Variants in NECTIN1 observed in about 807,000 individuals in gnomAD.
The protein encoded by NECTIN1 is nectin cell adhesion molecule 1.
NECTIN1 carries 23 observed loss-of-function variants against 48.0 expected under a neutral mutation model. The ratio of observed to expected loss-of-function variants is 0.48; its 90% CI spans 0.34 to 0.68. NECTIN1 has a LOEUF of 0.68. Ranked by LOEUF, NECTIN1 falls within the 30% of genes least tolerant of loss-of-function variation. The pLI, the probability that NECTIN1 is intolerant of heterozygous loss-of-function variation, is 0.01. For synonymous variants in NECTIN1, 270 were observed against 288.9 expected (o/e 0.93, Z 0.66); for missense variants, 591 against 709.9 (o/e 0.83, Z 1.90).
rs761193999 is a variant in NECTIN1 at position 119,675,205 on chromosome 11, G to A, written c.957C>T (p.Thr319=). Residue 319 remains threonine, a synonymous_variant, in exon 5 of 6, where the codon ACC becomes ACT. Coordinates refer to ENST00000264025, the MANE Select transcript of NECTIN1 (RefSeq NM_002855.5). ...SLAGTYICEA[T]NPIGTRSGQV... ...GGCCTGAGCGTGTACCGATGGGGTT[G>A]GTGGCCTCACAGATGTAGGTCCCTG... The A allele has an allele frequency of 6.2e-7, 1 of 1,614,168 alleles. No homozygotes were observed. Among genetic ancestry groups the A allele is most frequent in the Admixed American group, 1.7e-5 (1 of 60,026 alleles).
chr11:119,690,089 A>G (rs891002470), intron 1 of NECTIN1, among the ~76,000 whole-genome samples: 1 of 152,208 alleles, frequency 6.6e-6, no homozygotes, highest in Middle Eastern at 3.2e-3. Flanking sequence ...GAACTGCACC[A>G]GGCCTTGGCA....
rs934729696 is a variant in NECTIN1 at position 119,677,925 on chromosome 11, G to A, written c.431-68C>T. 2 of 1,525,774 alleles carry A rather than the reference G, an allele frequency of 1.3e-6. No homozygotes were observed. The highest frequency in any genetic ancestry group is 2.7e-5 in the African/African-American group (2 of 73,072). 94.5% of individuals were successfully genotyped at this position (1,525,774 alleles called of 1,614,324 possible). On this transcript the variant is annotated intron_variant, in intron 2 of 5. Transcript: ENST00000264025. The surrounding 1 kb of genome is among the most constrained non-coding windows in gnomAD (Gnocchi z 5.4). ...TTGTCCAAGATGCACCGGCCAAAAG[G>A]GCGTGGCATCCGTCAGGCCTTGTCT...
intron 1 of NECTIN1, among the ~76,000 whole-genome samples, chr11:119,723,877 C>G (rs780511779): frequency 5.9e-5 from 9 of 152,308 alleles, no homozygotes; most frequent in Non-Finnish European, 1.3e-4. Flanking sequence ...CTCTGCAGAC[C>G]TGGTCTCTGT....
rs576993312 is a variant in NECTIN1 at position 119,727,976 on chromosome 11, GA to G, written c.79+498del. 1.3e-5 allele frequency among the ~76,000 whole-genome samples: 2 copies of G among 152,288 alleles called. No individual in the cohort carries two copies. Among genetic ancestry groups the G allele is most frequent in the South Asian group, 4.1e-4 (2 of 4,824 alleles). ...CCCGCTGTGGGGCGGTGTGGGGCGG[GA>G]GGGGGCCCGAGCGTCCTGAGCCGTC... On this transcript the variant is annotated intron_variant, in intron 1 of 5. Coordinates refer to ENST00000264025, the MANE Select transcript of NECTIN1 (RefSeq NM_002855.5). This position sits in a 1 kb window ranked among gnomAD's most constrained non-coding sequence, Gnocchi z 4.1.
chr11:119,672,718 C>T lies in NECTIN1; in HGVS notation c.1003+2441G>A, dbSNP rs1864879776. On this transcript the variant is annotated intron_variant, in intron 5 of 5. Transcript: ENST00000264025. The surrounding 1 kb of genome is among the most constrained non-coding windows in gnomAD (Gnocchi z 4.3). ...AACAGAGAGAAGGCCTTGCTCCTTC[C>T]TCCCTGCCCACTCTGCTCCAGCCAT... Among the ~76,000 whole-genome samples, 1 of 152,204 alleles carries T rather than the reference C, an allele frequency of 6.6e-6. No individual in the cohort carries two copies. The highest frequency in any genetic ancestry group is 2.1e-4 in the South Asian group (1 of 4,832).
chr11:119,645,761 CT>C (rs1042988359), intron 5 of NECTIN1, among the ~76,000 whole-genome samples: 29 of 152,312 alleles, frequency 1.9e-4, no homozygotes, highest in Non-Finnish European at 3.4e-4. Flanking sequence ...GGACTCTCCC[CT>C]TCCCTTGCTC....
intron 5 of NECTIN1, among the ~76,000 whole-genome samples, chr11:119,674,211 T>C (rs1388174492): frequency 6.6e-6 from 1 of 152,060 alleles, no homozygotes; most frequent in Admixed American, 6.5e-5. Context: ...TTCCTATATC[T>C]CAGTCACAGT....
intron 5 of NECTIN1, among the ~76,000 whole-genome samples, chr11:119,671,612 C>T (rs973239250): frequency 6.6e-6 from 1 of 152,140 alleles, no homozygotes; most frequent in East Asian, 1.9e-4. Flanking sequence ...CCTGGCGCTT[C>T]CTCAGGCAGG....
chr11:119,708,726 T>C (rs1361584848), intron 1 of NECTIN1, among the ~76,000 whole-genome samples: 1 of 152,160 alleles, frequency 6.6e-6, no homozygotes, highest in African/African-American at 2.4e-5. Flanking sequence ...CTAAAGCCAC[T>C]GACTCGTATA....
intron 1 of NECTIN1, among the ~76,000 whole-genome samples, chr11:119,711,944 T>C (rs1173298769): frequency 3.9e-5 from 6 of 152,070 alleles, no homozygotes; most frequent in Non-Finnish European, 8.8e-5. Flanking sequence ...GGTGCTAGGA[T>C]TGGGGAGGGG....
At chr11:119,645,357 C>T (rs527305981) in intron 5 of NECTIN1, among the ~76,000 whole-genome samples, 3 of 152,290 alleles carry the variant, frequency 2.0e-5, no homozygotes, top group Admixed American at 6.5e-5. Flanking sequence ...CAGACTCCAG[C>T]GGTCTCACTG....
chr11:119,715,966 C>T (rs113485488), intron 1 of NECTIN1, among the ~76,000 whole-genome samples: 3 of 152,308 alleles, frequency 2.0e-5, no homozygotes, highest in Admixed American at 1.3e-4. Context: ...TGGCACATGT[C>T]GAGTGAATGC....
At chr11:119,714,891 T>C (rs1370937875) in intron 1 of NECTIN1, among the ~76,000 whole-genome samples, 1 of 151,992 alleles carries the variant, frequency 6.6e-6, no homozygotes, top group Non-Finnish European at 1.5e-5. Flanking sequence ...GCAGCCCACA[T>C]ATGGAGCTGT....
At chr11:119,647,496 T>C (rs1161920802) in intron 5 of NECTIN1, among the ~76,000 whole-genome samples, 1 of 152,120 alleles carries the variant, frequency 6.6e-6, no homozygotes, top group African/African-American at 2.4e-5. Flanking sequence ...GGGACCCTGC[T>C]GCGCAGGGAC....
At chr11:119,725,806 G>C (rs1182573524) in intron 1 of NECTIN1, among the ~76,000 whole-genome samples, 1 of 152,168 alleles carries the variant, frequency 6.6e-6, no homozygotes, top group Non-Finnish European at 1.5e-5. Flanking sequence ...CAAAAGGTGT[G>C]GGGAAGCCAA....
intron 1 of NECTIN1, among the ~76,000 whole-genome samples, chr11:119,720,684 C>T (rs1333486220): frequency 2.0e-5 from 3 of 152,226 alleles, no homozygotes; most frequent in African/African-American, 4.8e-5. Flanking sequence ...TTCTGATGAC[C>T]AGCAGGTATG....
intron 1 of NECTIN1, among the ~76,000 whole-genome samples, chr11:119,703,573 T>G (rs535545151): frequency 1.3e-5 from 2 of 152,182 alleles, no homozygotes; most frequent in Non-Finnish European, 1.5e-5. Flanking sequence ...CCCAACCTAC[T>G]TGCTGTACAG....
At chr11:119,641,256 C>G (rs1357320130) in intron 5 of NECTIN1, 2 of 152,394 alleles carry the variant, frequency 1.3e-5, no homozygotes, top group African/African-American at 2.4e-5. Context: ...TCTCAAACTC[C>G]TGAGCTCAAG....
rs1865325280 is a variant in NECTIN1 at position 119,695,349 on chromosome 11, T to C, written c.80-16584A>G. On this transcript the variant is annotated intron_variant, in intron 1 of 5. Coordinates refer to ENST00000264025, the MANE Select transcript of NECTIN1 (RefSeq NM_002855.5). ...GTCCCCGCTGCCAGTGGAAAACTCC[T>C]ACCCACCCTTCAACACTCAGGTCCC... Among the ~76,000 whole-genome samples, 3 of 108,278 alleles carry C rather than the reference T, an allele frequency of 2.8e-5. No individual in the cohort carries two copies. The Admixed American group carries it at 3.3e-4, about 12-fold the overall frequency. 71.0% of individuals were successfully genotyped at this position (108,278 alleles called of 152,430 possible).
Sources: gnomAD v4.1 joint callset for allele counts (sites outside exome capture counted in the v4.1 genomes callset) on GRCh38, gnomAD v4.1.1 for gene constraint, Gnocchi (gnomAD v3.1) non-coding constraint, MANE v1.5 for transcripts, NCBI Gene and HGNC (gene_info 2026-07-23, HGNC 2026-07-21) for gene names.